The following SIPA1L3 variants were observed in gnomAD, a reference collection of about 807,000 sequenced individuals.
The protein encoded by SIPA1L3 is signal induced proliferation associated 1 like 3.
A neutral mutation model predicts 150.1 loss-of-function variants in SIPA1L3; 59 were observed. The ratio of observed to expected loss-of-function variants is 0.39; its 90% CI spans 0.32 to 0.49. The LOEUF is 0.49. Ranked by LOEUF, SIPA1L3 falls within the 20% of genes least tolerant of loss-of-function variation. The probability of loss-of-function intolerance (pLI) is 0.86; values close to 1 mark genes in which losing one functional copy is unlikely to be tolerated. For synonymous variants in SIPA1L3, 1,070 were observed against 1,077.6 expected (o/e 0.99, Z 0.14); for missense variants, 2,211 against 2,489.5 (o/e 0.89, Z 2.38).
At chr19:38,143,232 C>T (rs1971631573) in intron 12 of SIPA1L3, among the ~76,000 whole-genome samples, 1 of 152,160 alleles carries the variant, frequency 6.6e-6, no homozygotes, top group Non-Finnish European at 1.5e-5. Flanking sequence ...GGCTCTGGCT[C>T]CGGCTGAGCT....
intron 2 of SIPA1L3, among the ~76,000 whole-genome samples, chr19:38,051,633 G>A (rs1481674051): frequency 2.0e-5 from 3 of 152,164 alleles, no homozygotes; most frequent in African/African-American, 4.8e-5. Flanking sequence ...GGGTATCTCT[G>A]TGGCCCAGGC....
intron 2 of SIPA1L3, among the ~76,000 whole-genome samples, chr19:38,080,535 G>T (rs915526732): frequency 2.0e-5 from 3 of 151,854 alleles, no homozygotes; most frequent in African/African-American, 7.3e-5. Flanking sequence ...AGACAATGAT[G>T]GGAAATGTAA....
At chr19:38,050,506 A>C (rs1019577916) in intron 2 of SIPA1L3, among the ~76,000 whole-genome samples, 1 of 152,210 alleles carries the variant, frequency 6.6e-6, no homozygotes, top group African/African-American at 2.4e-5. Context: ...GTGATCTGAA[A>C]GCATTAGCAA....
At chr19:37,944,813 G>A (rs2046694853) in intron 1 of SIPA1L3, among the ~76,000 whole-genome samples, 1 of 152,066 alleles carries the variant, frequency 6.6e-6, no homozygotes, top group Non-Finnish European at 1.5e-5. Context: ...AGCCGGGCGT[G>A]GTGGCAGGTC....
chr19:38,101,144 C>T lies in SIPA1L3; in HGVS notation c.1947C>T (p.Ala649=), dbSNP rs368706551. The change falls in exon 6 of 22, where the codon GCC becomes GCT. Residue 649 remains alanine (A), a synonymous_variant. Coordinates refer to ENST00000222345, the MANE Select transcript of SIPA1L3 (RefSeq NM_015073.3). ...ACAACAATGAGGAGGCCGGCCCCGC[C>T]TTTGAGGAGTTCCTCTCCCTCATCG... The part of the protein sequence containing the change: ...EMYNNEEAGP[A]FEEFLSLIGE... The T allele has an allele frequency of 9.9e-6, 16 of 1,611,322 alleles. No homozygotes were observed. The African/African-American group carries it at 1.7e-4, about 17-fold the overall frequency.
At chr19:38,142,786 A>C in intron 12 of SIPA1L3, 76 bp downstream of exon 12, 1 of 1,501,060 alleles carries the variant, frequency 6.7e-7, no homozygotes, top group East Asian at 2.3e-5. Flanking sequence ...GCAAATGCAC[A>C]CCCCCACAAT....
At chr19:37,925,208 A>G (rs1400245841) in intron 1 of SIPA1L3, among the ~76,000 whole-genome samples, 2 of 152,184 alleles carry the variant, frequency 1.3e-5, no homozygotes, top group East Asian at 3.8e-4. Flanking sequence ...TCACTAGGCA[A>G]TAGGAATTTT....
At chr19:38,016,923 G>A (rs1245529388) in intron 1 of SIPA1L3, among the ~76,000 whole-genome samples, 12 of 97,896 alleles carry the variant, frequency 1.2e-4, no homozygotes, top group African/African-American at 4.6e-4. Flanking sequence ...TTGAGACTGA[G>A]TCTCACTCTG....
rs1469505002 is a variant in SIPA1L3, at chr19:38,167,684, C to A, written c.4208+2778C>A. Among the ~76,000 whole-genome samples, 4 of 152,082 alleles carry A rather than the reference C, an allele frequency of 2.6e-5. No individual in the cohort carries two copies. In the East Asian group the frequency reaches 7.7e-4, roughly 29 times the overall value. On this transcript the variant is annotated intron_variant, in intron 15 of 21. Transcript: ENST00000222345. ...CTCAAGTGTTCCTCCCACCTCAGCC[C>A]CCTAAGTAGCTGAGACTACAGGTGT...
intron 8 of SIPA1L3, among the ~76,000 whole-genome samples, 177 bp downstream of exon 8, chr19:38,110,561 C>A (rs1307485715): frequency 6.6e-6 from 1 of 152,190 alleles, no homozygotes; most frequent in Non-Finnish European, 1.5e-5. Context: ...GGGCATGGCT[C>A]CCCACTTTTG....
chr19:38,160,274 A>G (rs1415848072), intron 13 of SIPA1L3, among the ~76,000 whole-genome samples: 1 of 152,164 alleles, frequency 6.6e-6, no homozygotes, highest in Non-Finnish European at 1.5e-5. Flanking sequence ...TTGGCCTCCC[A>G]AAGTGCTGGG....
intron 1 of SIPA1L3, among the ~76,000 whole-genome samples, chr19:38,012,972 C>T (rs888777816): frequency 6.6e-6 from 1 of 152,174 alleles, no homozygotes; most frequent in Non-Finnish European, 1.5e-5. Context: ...CTTGAGAGTG[C>T]AGGTCCCACA....
At chr19:37,959,034 T>C (rs1197795205) in intron 1 of SIPA1L3, among the ~76,000 whole-genome samples, 1 of 152,254 alleles carries the variant, frequency 6.6e-6, no homozygotes, top group Non-Finnish European at 1.5e-5. Context: ...TAACAAGTGT[T>C]GGCCAGGATG....
chr19:38,016,556 G>A (rs1170096836), intron 1 of SIPA1L3, among the ~76,000 whole-genome samples: 3 of 151,994 alleles, frequency 2.0e-5, no homozygotes, highest in East Asian at 1.9e-4. Flanking sequence ...TCAGTGGCAC[G>A]GTCTCGGTGC....
At position 38,138,141 on chromosome 19, in the gene SIPA1L3, A is replaced by T. The variant is rs147043779; in HGVS notation, c.3144-3043A>T. Among the ~76,000 whole-genome samples the T allele has an allele frequency of 8.8e-3, 1,332 of 152,208 alleles. 21 individuals carry two copies. Among genetic ancestry groups the T allele is most frequent in the African/African-American group, 0.03 (1,255 of 41,534 alleles). On this transcript the variant is annotated intron_variant, in intron 10 of 21. Coordinates refer to ENST00000222345, the MANE Select transcript of SIPA1L3 (RefSeq NM_015073.3). ...GCCAGACTCTGTCTCAAATAAAAAA[A>T]AAAAATAATAAAGTAACTAAAGGAA...
chr19:38,018,733 T>G (rs1299392028), intron 1 of SIPA1L3, among the ~76,000 whole-genome samples: 1 of 152,226 alleles, frequency 6.6e-6, no homozygotes, highest in African/African-American at 2.4e-5. Context: ...GTTCTGGGCT[T>G]AAATTCATTC....
intron 13 of SIPA1L3, among the ~76,000 whole-genome samples, chr19:38,157,844 G>A (rs1971984678): frequency 6.6e-6 from 1 of 152,198 alleles, no homozygotes; most frequent in Non-Finnish European, 1.5e-5. Context: ...GGTGAGCCAG[G>A]CAGGCATGTT....
At chr19:37,954,815 A>G (rs1001307681) in intron 1 of SIPA1L3, among the ~76,000 whole-genome samples, 1 of 152,104 alleles carries the variant, frequency 6.6e-6, no homozygotes, top group African/African-American at 2.4e-5. Context: ...GGCTGGGCGC[A>G]GTGGCTTATG....
intron 1 of SIPA1L3, among the ~76,000 whole-genome samples, chr19:37,953,148 C>T (rs1035780787): frequency 3.9e-5 from 6 of 152,178 alleles, no homozygotes; most frequent in Non-Finnish European, 7.3e-5. Flanking sequence ...GGCGTGAACC[C>T]GCATTCTCAG....
Sources: allele counts gnomAD v4.1 joint callset (sites outside exome capture counted in the v4.1 genomes callset), GRCh38; gene constraint gnomAD v4.1.1; transcripts MANE v1.5; gene names NCBI Gene and HGNC (gene_info 2026-07-23, HGNC 2026-07-21).